The following EPS15L1 variants were observed in gnomAD, a reference collection of about 807,000 sequenced individuals.
EPS15L1 encodes epidermal growth factor receptor pathway substrate 15 like 1.
EPS15L1 carries 43 observed loss-of-function variants against 117.1 expected under a neutral mutation model. That is an observed-to-expected ratio of 0.37 (90% confidence interval 0.29 to 0.47). EPS15L1 has a LOEUF of 0.47. Among genes scored for constraint, EPS15L1 ranks in the 20% least tolerant of loss-of-function variants. The pLI, the probability that EPS15L1 is intolerant of heterozygous loss-of-function variation, is 0.99. For missense variants in EPS15L1, 981 were observed against 1,164.0 expected, an observed-to-expected ratio of 0.84 and a Z score of 2.29; for synonymous variants, 459 against 470.5, an observed-to-expected ratio of 0.98 and a Z score of 0.32.
intron 1 of EPS15L1, among the ~76,000 whole-genome samples, chr19:16,464,941 T>C (rs1316719863): frequency 1.3e-5 from 2 of 151,940 alleles, no homozygotes; most frequent in African/African-American, 4.8e-5. Flanking sequence ...TAGCCAGGTG[T>C]GGTGGCGGGT....
intron 8 of EPS15L1, 39 bp from the exon 9 acceptor site, chr19:16,425,355 CTGGG>C: frequency 7.0e-7 from 1 of 1,437,434 alleles, no homozygotes; most frequent in Non-Finnish European, 9.6e-7. Flanking sequence ...AGGGGCAAGG[CTGGG>C]GCCGGGACCA....
chr19:16,396,379 G>A (rs901593039), intron 16 of EPS15L1, among the ~76,000 whole-genome samples: 25 of 152,078 alleles, frequency 1.6e-4, no homozygotes, highest in South Asian at 8.3e-4. Context: ...CTCCCACGTC[G>A]GTCTCCCGAG....
chr19:16,447,388 A>G (rs2093094346), intron 1 of EPS15L1, among the ~76,000 whole-genome samples: 1 of 152,246 alleles, frequency 6.6e-6, no homozygotes. Flanking sequence ...TCAATTAAAA[A>G]TGAGCAAAGA....
intron 22 of EPS15L1, among the ~76,000 whole-genome samples, chr19:16,362,789 CA>C (rs2144635682): frequency 6.6e-6 from 1 of 152,220 alleles, no homozygotes; most frequent in South Asian, 2.1e-4. Context: ...GGATTACAGG[CA>C]TGAGCCACTG....
At chr19:16,440,688 C>G in intron 4 of EPS15L1, 174 bp downstream of exon 4, 1 of 529,242 alleles carries the variant, frequency 1.9e-6, no homozygotes, top group Non-Finnish European at 3.4e-6. Context: ...AAGATGGCTC[C>G]AAGTGTTTAA....
At position 16,417,993 on chromosome 19, in the gene EPS15L1, G is replaced by C; in HGVS notation, c.1062C>G (p.Leu354=). Residue 354 remains leucine (L), a synonymous_variant, in exon 11 of 24, where the codon CTC becomes CTG. Coordinates refer to ENST00000455140, the MANE Select transcript of EPS15L1 (RefSeq NM_001258374.3). ...CCGAAGGCGGGACCATGTCCGGCGAGAGGACTTGAGGAGGGTCGATGCCTT... is the reference window on the plus strand; with the variant it reads ...CCGAAGGCGGGACCATGTCCGGCGACAGGACTTGAGGAGGGTCGATGCCTT... The part of the protein sequence containing the change: ...VSKGIDPPQV[L]SPDMVPPSER... 6.2e-7 allele frequency: 1 copy of C among 1,614,216 alleles called. No homozygotes were observed. The highest frequency in any genetic ancestry group is 8.5e-7 in the Non-Finnish European group (1 of 1,180,032).
intron 6 of EPS15L1, among the ~76,000 whole-genome samples, chr19:16,436,225 T>G (rs1431157984): frequency 6.6e-6 from 1 of 151,888 alleles, no homozygotes; most frequent in Non-Finnish European, 1.5e-5. Flanking sequence ...AGAGCAAGAG[T>G]GTTATTCATG....
intron 16 of EPS15L1, among the ~76,000 whole-genome samples, chr19:16,396,867 GTATGATTCCACTTC>G (rs1402645113): frequency 6.6e-6 from 1 of 151,820 alleles, no homozygotes; most frequent in East Asian, 1.9e-4. Context: ...AACACACAAG[GTATGATTCCACTTC>G]TATGAGAACC....
At chr19:16,406,840 T>C (rs1182678729) in intron 13 of EPS15L1, among the ~76,000 whole-genome samples, 4 of 152,248 alleles carry the variant, frequency 2.6e-5, no homozygotes, top group Admixed American at 2.6e-4. Context: ...TGAATGTCTG[T>C]TGTTGAAATT....
At chr19:16,373,481 T>TA (rs11344510) in intron 22 of EPS15L1, among the ~76,000 whole-genome samples, 1,781 of 139,286 alleles carry the variant, frequency 0.013, 12 homozygotes, top group African/African-American at 0.019. Flanking sequence ...ACTTTATGCT[T>TA]AAAAAAAAAA....
chr19:16,463,080 A>G (rs1008845539), intron 1 of EPS15L1, among the ~76,000 whole-genome samples: 3 of 152,160 alleles, frequency 2.0e-5, no homozygotes, highest in African/African-American at 4.8e-5. Flanking sequence ...AAGACAGCAC[A>G]CAGTAGCTCA....
At chr19:16,432,665 G>A (rs1475990107) in intron 7 of EPS15L1, among the ~76,000 whole-genome samples, 3 of 151,926 alleles carry the variant, frequency 2.0e-5, no homozygotes, top group Non-Finnish European at 4.4e-5. Flanking sequence ...CCAGCTACTC[G>A]GGAGGCTGAG....
At chr19:16,457,154 C>A (rs2093205589) in intron 1 of EPS15L1, among the ~76,000 whole-genome samples, 1 of 152,158 alleles carries the variant, frequency 6.6e-6, no homozygotes, top group Admixed American at 6.5e-5. Flanking sequence ...GAGGACATGC[C>A]AGTTCCCTAA....
intron 1 of EPS15L1, among the ~76,000 whole-genome samples, chr19:16,454,819 CT>C (rs538990101): frequency 3.2e-3 from 465 of 143,172 alleles, no homozygotes; most frequent in Admixed American, 3.9e-3. Flanking sequence ...TTTCTTTTTT[CT>C]TTTTTTTTTT....
intron 20 of EPS15L1, 59 bp downstream of exon 20, chr19:16,386,112 G>A: frequency 2.3e-6 from 3 of 1,317,472 alleles, no homozygotes; most frequent in Non-Finnish European, 3.3e-6. Flanking sequence ...GTTAACTGCG[G>A]GGGAGCTCTG....
chr19:16,359,077 A>T (rs553040574), intron 23 of EPS15L1, among the ~76,000 whole-genome samples: 1 of 152,310 alleles, frequency 6.6e-6, no homozygotes, highest in African/African-American at 2.4e-5. Flanking sequence ...CACCACCTCC[A>T]CAAGTGAGGT....
At chr19:16,441,105 G>A (rs2093027232) in intron 3 of EPS15L1, 196 bp from the exon 4 acceptor site, 1 of 626,870 alleles carries the variant, frequency 1.6e-6, no homozygotes. Context: ...TCAGCGGCAG[G>A]GCCCAGAGGA....
In EPS15L1 at chr19:16,377,223, AAGG is replaced by A. The variant is rs747563429; in HGVS notation, c.2276_2278del (p.Ser759del). ...GTCATCTGAGAATCCTGCCCCTCCC[AAGG>A]AGGAGGTGAAAGGGCCAGAAGGTGG... On this transcript the variant is annotated inframe_deletion, in exon 22 of 24. Transcript: ENST00000455140. The A allele has an allele frequency of 6.2e-7, 1 of 1,613,006 alleles. No individual in the cohort carries two copies. Among genetic ancestry groups the A allele is most frequent in the Non-Finnish European group, 8.5e-7 (1 of 1,179,550 alleles).
rs560716511 is a variant in EPS15L1 at position 16,375,303 on chromosome 19, CATGT to C, written c.2380+1815_2380+1818del. ...TCATGTGCAAACAGGTGCATGCATG[CATGT>C]GTCTGCAGGCGTGGAGGATGTGTGT... On this transcript the variant is annotated intron_variant, in intron 22 of 23. Transcript: ENST00000455140. Among the ~76,000 whole-genome samples, 506 of 152,096 alleles carry C rather than the reference CATGT, an allele frequency of 3.3e-3. 2 individuals carry two copies. The highest frequency in any genetic ancestry group is 5.4e-3 in the Non-Finnish European group (370 of 68,008).
Sources: allele counts gnomAD v4.1 joint callset (sites outside exome capture counted in the v4.1 genomes callset), GRCh38; gene constraint gnomAD v4.1.1; transcripts MANE v1.5; gene names NCBI Gene and HGNC (gene_info 2026-07-23, HGNC 2026-07-21).